Variants in RAPGEF2 observed in about 807,000 individuals in gnomAD.
The protein encoded by RAPGEF2 is Rap guanine nucleotide exchange factor 2.
A neutral mutation model predicts 186.7 loss-of-function variants in RAPGEF2; 54 were observed. The ratio of observed to expected loss-of-function variants is 0.29; its 90% CI spans 0.23 to 0.36. The LOEUF is 0.36. Among genes scored for constraint, RAPGEF2 ranks in the 10% least tolerant of loss-of-function variants. RAPGEF2 has a pLI of 1.00. For missense variants in RAPGEF2, 1,532 were observed against 2,045.0 expected (o/e 0.75, Z 4.84); for synonymous variants, 712 against 705.9 (o/e 1.01, Z -0.14).
At chr4:159,182,205 A>G (rs1031036696) in intron 1 of RAPGEF2, among the ~76,000 whole-genome samples, 6 of 152,138 alleles carry the variant, frequency 3.9e-5, no homozygotes, top group African/African-American at 9.7e-5. Context: ...ATGAGAGGCA[A>G]TCAGTTTATT....
At position 159,117,364 on chromosome 4, in the gene RAPGEF2, G is replaced by A. The variant is rs1303049490; in HGVS notation, c.69+13133G>A. Among the ~76,000 whole-genome samples, 10 of 152,250 alleles carry A rather than the reference G, an allele frequency of 6.6e-5. 1 individual carries two copies. In the East Asian group the frequency reaches 1.5e-3, roughly 24 times the overall value. ...TTCATTTAGAGTCAGTGTGCTTAGA[G>A]CCCCAAAAGTTCTTTATTCCCATAT... On this transcript the variant is annotated intron_variant, in intron 1 of 29. Coordinates refer to ENST00000691494, the MANE Select transcript of RAPGEF2 (RefSeq NM_001394067.2).
chr4:159,131,352 C>G (rs1017021878), intron 1 of RAPGEF2, among the ~76,000 whole-genome samples: 2 of 151,640 alleles, frequency 1.3e-5, no homozygotes, highest in African/African-American at 4.8e-5. Context: ...TCAGGTGATC[C>G]GCCTATCTTG....
At chr4:159,294,235 C>G (rs1286770528) in intron 7 of RAPGEF2, among the ~76,000 whole-genome samples, 1 of 152,206 alleles carries the variant, frequency 6.6e-6, no homozygotes, top group Non-Finnish European at 1.5e-5. Context: ...CTCCATGGAT[C>G]CCATAGGAAT....
chr4:159,124,547 A>G (rs572627899), intron 1 of RAPGEF2, among the ~76,000 whole-genome samples: 2 of 152,302 alleles, frequency 1.3e-5, no homozygotes, highest in African/African-American at 4.8e-5. Flanking sequence ...TAAAAGAGAA[A>G]AAAAATTTAA....
chr4:159,164,284 G>A (rs1036364326), intron 1 of RAPGEF2, among the ~76,000 whole-genome samples: 3 of 149,884 alleles, frequency 2.0e-5, no homozygotes, highest in Non-Finnish European at 3.0e-5. Flanking sequence ...GATTACAGGC[G>A]TGAGCCACTG....
chr4:159,124,934 T>G (rs1286249656), intron 1 of RAPGEF2, among the ~76,000 whole-genome samples: 2 of 152,244 alleles, frequency 1.3e-5, no homozygotes, highest in Non-Finnish European at 2.9e-5. Context: ...TTCCAGATCA[T>G]ACACTTTTGC....
At chr4:159,307,425 T>C (rs1763432974) in intron 8 of RAPGEF2, among the ~76,000 whole-genome samples, 1 of 152,192 alleles carries the variant, frequency 6.6e-6, no homozygotes, top group Non-Finnish European at 1.5e-5. Context: ...ATTCTGAAAG[T>C]TGATTTTTCT....
At chr4:159,123,925 G>A (rs1174627233) in intron 1 of RAPGEF2, among the ~76,000 whole-genome samples, 6 of 152,004 alleles carry the variant, frequency 3.9e-5, no homozygotes, top group Non-Finnish European at 5.9e-5. Context: ...GCGTGTTCTC[G>A]TCTCACCGCA....
Position 159,205,933 on chromosome 4 carries a change from C to CTT in RAPGEF2, c.198-4555_198-4554dup, listed in dbSNP as rs753271034. ...ACATTAGCCTACAGTTGGGCAGGAT[C>CTT]TTTTTTTTTTTTTGAGACAGAGTGT... On this transcript the variant is annotated intron_variant, in intron 3 of 29. Transcript: ENST00000691494. 2.8e-3 allele frequency among the ~76,000 whole-genome samples: 410 copies of CTT among 145,842 alleles called. 1 individual carries two copies. The highest frequency in any genetic ancestry group is 9.3e-3 in the African/African-American group (372 of 39,986).
intron 1 of RAPGEF2, among the ~76,000 whole-genome samples, chr4:159,171,431 G>C (rs141125240): frequency 6.6e-6 from 1 of 152,218 alleles, no homozygotes; most frequent in East Asian, 1.9e-4. Context: ...TGAGTGACTT[G>C]TTCAGGGATG....
At chr4:159,313,453 T>G (rs1346838535) in intron 8 of RAPGEF2, among the ~76,000 whole-genome samples, 1 of 152,226 alleles carries the variant, frequency 6.6e-6, no homozygotes, top group Non-Finnish European at 1.5e-5. Context: ...GATGAGTTAA[T>G]AAATACATAG....
intron 3 of RAPGEF2, among the ~76,000 whole-genome samples, chr4:159,198,193 C>A (rs76961617): frequency 0.021 from 3,259 of 151,890 alleles, 123 homozygotes; most frequent in South Asian, 0.12. Context: ...CCACCCCTAC[C>A]CCAGGAAGCA....
At position 159,360,110 on chromosome 4, in the gene RAPGEF2, C is replaced by T. The variant is rs569237301; in HGVS notation, c.*1971C>T. 2 of 152,258 alleles carry T rather than the reference C, an allele frequency of 1.3e-5. No individual in the cohort carries two copies. Among genetic ancestry groups the T allele is most frequent in the Admixed American group, 6.5e-5 (1 of 15,294 alleles). 9.4% of individuals were successfully genotyped at this position (152,258 alleles called of 1,614,324 possible). On this transcript the variant is annotated 3_prime_UTR_variant, in exon 30 of 30. Transcript: ENST00000691494. ...ATGTACTATGTTTATGCTTCTACAT[C>T]CAGTTTGTACAAGCTGGAAAATAAA...
At chr4:159,214,586 T>C (rs1370093484) in intron 4 of RAPGEF2, among the ~76,000 whole-genome samples, 1 of 152,206 alleles carries the variant, frequency 6.6e-6, no homozygotes, top group Non-Finnish European at 1.5e-5. Context: ...ATTACCCCAT[T>C]CTATGAATGA....
chr4:159,109,331 A>G (rs1422215076), intron 1 of RAPGEF2, among the ~76,000 whole-genome samples: 1 of 152,128 alleles, frequency 6.6e-6, no homozygotes, highest in Admixed American at 6.5e-5. Context: ...GTTTCTATTT[A>G]AAAGAAAGGT....
rs1170191954 is a variant in RAPGEF2, at chr4:159,235,361, G to A, written c.282-3448G>A. Among the ~76,000 whole-genome samples, 3 of 152,144 alleles carry A rather than the reference G, an allele frequency of 2.0e-5. No individual in the cohort carries two copies. The East Asian group carries it at 5.8e-4, about 29-fold the overall frequency. The stretch of plus-strand genomic sequence containing the variant: ...TTTTATTAATAACTTTTAACTGAAA[G>A]CTGAGAACCTGTTGTTGAGTATAAT... On this transcript the variant is annotated intron_variant, in intron 4 of 29. Coordinates refer to ENST00000691494, the MANE Select transcript of RAPGEF2 (RefSeq NM_001394067.2).
At chr4:159,303,639 G>T (rs1033085991) in intron 7 of RAPGEF2, among the ~76,000 whole-genome samples, 16 of 147,422 alleles carry the variant, frequency 1.1e-4, no homozygotes, top group East Asian at 3.9e-4. Context: ...CAAATAAGCG[G>T]TTTTTTTTTT....
At chr4:159,144,293 A>G (rs1479120587) in intron 1 of RAPGEF2, among the ~76,000 whole-genome samples, 1 of 152,166 alleles carries the variant, frequency 6.6e-6, no homozygotes, top group Non-Finnish European at 1.5e-5. Context: ...ATTGACATTA[A>G]TCTGGTTCAT....
chr4:159,229,996 T>C (rs1410237589), intron 4 of RAPGEF2, among the ~76,000 whole-genome samples: 3 of 152,192 alleles, frequency 2.0e-5, no homozygotes, highest in Non-Finnish European at 2.9e-5. Flanking sequence ...TTGTTTAATA[T>C]CAGATTTTAA....
Sources: gnomAD v4.1 joint callset for allele counts (sites outside exome capture counted in the v4.1 genomes callset) on GRCh38, gnomAD v4.1.1 for gene constraint, MANE v1.5 for transcripts, NCBI Gene and HGNC (gene_info 2026-07-23, HGNC 2026-07-21) for gene names.